SLC14A2: variants seen among roughly 807,000 people sequenced by gnomAD.
The protein encoded by SLC14A2 is solute carrier family 14 member 2, also known as urea transporter 2.
Under a neutral mutation model 104.6 loss-of-function variants are expected in SLC14A2, and 91 were observed. That is an observed-to-expected ratio of 0.87 (90% confidence interval 0.73 to 1.04). SLC14A2 has a LOEUF of 1.04. SLC14A2 is among the 50% of genes least tolerant of loss of function. The pLI, the probability that SLC14A2 is intolerant of heterozygous loss-of-function variation, is 0.00. For synonymous variants in SLC14A2, 476 were observed against 466.4 expected, an observed-to-expected ratio of 1.02 and a Z score of -0.27; for missense variants, 1,189 against 1,156.0, an observed-to-expected ratio of 1.03 and a Z score of -0.41.
intron 1 of SLC14A2, among the ~76,000 whole-genome samples, chr18:45,232,030 C>T (rs1030814357): frequency 6.9e-6 from 1 of 145,590 alleles, no homozygotes; most frequent in Non-Finnish European, 1.5e-5. Flanking sequence ...GAGTCCATTG[C>T]AATAGTAAAA....
intron 1 of SLC14A2, among the ~76,000 whole-genome samples, chr18:45,229,423 TTTGTTTG>T (rs1330824648): frequency 5.9e-5 from 9 of 151,550 alleles, no homozygotes; most frequent in African/African-American, 2.2e-4. Context: ...TGTTTGTTTG[TTTGTTTG>T]TTTAAAAAAA....
At chr18:45,469,012 C>G (rs1216067082) in intron 1 of SLC14A2, among the ~76,000 whole-genome samples, 1 of 152,188 alleles carries the variant, frequency 6.6e-6, no homozygotes, top group Admixed American at 6.5e-5. Context: ...CACAAGAGCT[C>G]AGGGCAGAGA....
At chr18:45,264,098 T>G (rs1000683382) in intron 1 of SLC14A2, among the ~76,000 whole-genome samples, 2 of 152,248 alleles carry the variant, frequency 1.3e-5, no homozygotes, top group African/African-American at 4.8e-5. Flanking sequence ...GGTGTCATTA[T>G]GAAGAGTATG....
At chr18:45,469,787 A>G (rs1257235481) in intron 1 of SLC14A2, among the ~76,000 whole-genome samples, 1 of 152,180 alleles carries the variant, frequency 6.6e-6, no homozygotes, top group Non-Finnish European at 1.5e-5. Context: ...GAGGTGTGAA[A>G]AGGAAAGCTC....
At chr18:45,549,119 G>A (rs548974059) in intron 2 of SLC14A2, among the ~76,000 whole-genome samples, 4 of 152,316 alleles carry the variant, frequency 2.6e-5, no homozygotes, top group South Asian at 4.1e-4. Flanking sequence ...GATGCTGCTC[G>A]AATAGAAGTA....
chr18:45,197,513 C>T, the SLC14A2 span, among the ~76,000 whole-genome samples: 18,931 of 152,156 alleles, frequency 0.12, 1,454 homozygotes, highest in Middle Eastern at 0.22. Flanking sequence ...GAGAAGACAT[C>T]CTGGAAGAAG....
At chr18:45,559,365 C>G (rs1032690106) in intron 2 of SLC14A2, among the ~76,000 whole-genome samples, 12 of 152,070 alleles carry the variant, frequency 7.9e-5, no homozygotes, top group Admixed American at 5.2e-4. Context: ...TTGAGTTGGG[C>G]TCTGATGAGA....
At chr18:45,488,163 G>A (rs571422160) in intron 2 of SLC14A2, among the ~76,000 whole-genome samples, 1 of 152,274 alleles carries the variant, frequency 6.6e-6, no homozygotes, top group African/African-American at 2.4e-5. Flanking sequence ...TTGAAGGAGA[G>A]TGGACTCTTT....
chr18:45,241,456 A>G (rs1036545000), intron 1 of SLC14A2, among the ~76,000 whole-genome samples: 21 of 152,224 alleles, frequency 1.4e-4, no homozygotes, highest in South Asian at 4.2e-4. Context: ...CCCTTTGTAG[A>G]TAAGAAACCA....
At position 45,624,602 on chromosome 18, in the gene SLC14A2, A is replaced by G. The variant is rs191542594; in HGVS notation, c.-34-29A>G. On this transcript the variant is annotated intron_variant, in intron 1 of 19. Transcript: ENST00000255226. ...GTCCCTCTGGGCCCCGTCCTGACTCACTAGCTCTTTCCCTTTCCTTCCGTC... is the reference window on the plus strand; with the variant it reads ...GTCCCTCTGGGCCCCGTCCTGACTCGCTAGCTCTTTCCCTTTCCTTCCGTC... 1.2e-4 allele frequency: 183 copies of G among 1,545,468 alleles called. 1 individual carries two copies. In the African/African-American group the frequency reaches 2.0e-3, roughly 17 times the overall value.
intron 19 of SLC14A2, 138 bp from the exon 20 acceptor site, chr18:45,682,181 T>A (rs2046319796): frequency 2.7e-6 from 2 of 752,524 alleles, no homozygotes; most frequent in African/African-American, 3.5e-5. Flanking sequence ...TGATTTTATT[T>A]ATATTGGTCA....
At chr18:45,229,684 C>T (rs1568110933) in intron 1 of SLC14A2, among the ~76,000 whole-genome samples, 1 of 152,162 alleles carries the variant, frequency 6.6e-6, no homozygotes, top group East Asian at 1.9e-4. Flanking sequence ...CTTCATCTTT[C>T]CCCAAGCACA....
At chr18:45,653,379 A>C (rs531562135) in intron 10 of SLC14A2, among the ~76,000 whole-genome samples, 35 of 151,774 alleles carry the variant, frequency 2.3e-4, no homozygotes, top group African/African-American at 7.5e-4. Context: ...TCAGTGGGGG[A>C]GTTTGTCTAC....
intron 1 of SLC14A2, among the ~76,000 whole-genome samples, chr18:45,410,134 G>A (rs1269560046): frequency 3.9e-5 from 6 of 152,084 alleles, no homozygotes; most frequent in South Asian, 2.1e-4. Flanking sequence ...ATCTAATGCC[G>A]CTGCTGATCT....
At chr18:45,450,208 C>G (rs2852296) in intron 1 of SLC14A2, among the ~76,000 whole-genome samples, 130,235 of 152,220 alleles carry the variant, frequency 0.86, 55,761 homozygotes, top group South Asian at 0.93. Flanking sequence ...TGCTTGGTTG[C>G]GGAGAGGTCC....
intron 1 of SLC14A2, among the ~76,000 whole-genome samples, chr18:45,266,707 C>T (rs1878089105): frequency 6.6e-6 from 1 of 152,140 alleles, no homozygotes; most frequent in South Asian, 2.1e-4. Flanking sequence ...TTTGCAGACA[C>T]ATTGCCAAAT....
chr18:45,492,892 A>G (rs2043026782), intron 2 of SLC14A2, among the ~76,000 whole-genome samples: 1 of 152,160 alleles, frequency 6.6e-6, no homozygotes, highest in Non-Finnish European at 1.5e-5. Context: ...ACTTTAGTCA[A>G]ACTTCAACTT....
chr18:45,584,412 G>A (rs1432758705), intron 2 of SLC14A2, among the ~76,000 whole-genome samples: 11 of 152,128 alleles, frequency 7.2e-5, no homozygotes, highest in Non-Finnish European at 8.8e-5. Flanking sequence ...TATTCTTTCC[G>A]GCTTTGTATG....
intron 1 of SLC14A2, among the ~76,000 whole-genome samples, chr18:45,330,707 A>G (rs2085281505): frequency 1.3e-5 from 2 of 152,204 alleles, no homozygotes; most frequent in Admixed American, 1.3e-4. Context: ...CAGACCCTTA[A>G]CACGCTGTCC....
Sources: gnomAD v4.1 joint callset for allele counts (sites outside exome capture counted in the v4.1 genomes callset) on GRCh38, gnomAD v4.1.1 for gene constraint, MANE v1.5 for transcripts, NCBI Gene and HGNC (gene_info 2026-07-23, HGNC 2026-07-21) for gene names.